Variants in HABP4 observed in about 807,000 individuals in gnomAD.
HABP4 encodes hyaluronan binding protein 4.
In HABP4, 32 loss-of-function variants were observed where a neutral mutation model predicts 44.1. That is an observed-to-expected ratio of 0.73 (90% CI 0.55 to 0.97). The LOEUF (loss-of-function observed/expected upper bound fraction) is 0.97, where lower values mean the gene tolerates loss of function less well. Among genes scored for constraint, HABP4 ranks in the 50% least tolerant of loss-of-function variants. The probability of loss-of-function intolerance (pLI) is 0.00; values close to 1 mark genes in which losing one functional copy is unlikely to be tolerated. For missense variants in HABP4, 503 were observed against 561.9 expected (o/e 0.90, Z 1.06); for synonymous variants, 216 against 218.0 (o/e 0.99, Z 0.08).
intron 2 of HABP4, among the ~76,000 whole-genome samples, chr9:96,462,624 A>AG (rs1461977061): frequency 4.5e-4 from 68 of 151,454 alleles, no homozygotes; most frequent in African/African-American, 1.4e-3. Context: ...AAAAAAAAAA[A>AG]AGAGAGAGAG....
intron 1 of HABP4, 37 bp from the exon 2 acceptor site, chr9:96,458,342 T>C (rs983846557): frequency 1.3e-6 from 2 of 1,594,568 alleles, no homozygotes; most frequent in African/African-American, 2.7e-5. Context: ...TTGCAGATGT[T>C]GTGTTCCAGC....
rs536759441 is a variant in HABP4, at chr9:96,455,826, C to T, written c.350-2553C>T. ...TCCCAGCATTTTGGGAGGCCGAGACCGGTGGATCACTTGAGGTCAGGAGTT... is the reference window on the plus strand; with the variant it reads ...TCCCAGCATTTTGGGAGGCCGAGACTGGTGGATCACTTGAGGTCAGGAGTT... On this transcript the variant is annotated intron_variant, in intron 1 of 7. Transcript: ENST00000375249. Among the ~76,000 whole-genome samples, 14 of 140,516 alleles carry T rather than the reference C, an allele frequency of 1.0e-4. No homozygotes were observed. In the East Asian group the frequency reaches 2.3e-3, roughly 23 times the overall value. 92.2% of individuals were successfully genotyped at this position (140,516 alleles called of 152,430 possible).
intron 2 of HABP4, 66 bp downstream of exon 2, chr9:96,458,607 CTTTT>C: frequency 1.1e-6 from 1 of 925,354 alleles, no homozygotes; most frequent in Non-Finnish European, 1.7e-6. Flanking sequence ...ATGCTACTTT[CTTTT>C]TCTTTTCTTT....
intron 1 of HABP4, among the ~76,000 whole-genome samples, chr9:96,454,452 T>A: frequency 6.7e-6 from 1 of 148,246 alleles, no homozygotes; most frequent in African/African-American, 2.5e-5. Flanking sequence ...TGAACTCTTT[T>A]TTTTTTTTTT....
chr9:96,469,346 G>T (rs1045616540), intron 4 of HABP4, among the ~76,000 whole-genome samples: 5 of 152,276 alleles, frequency 3.3e-5, no homozygotes, highest in East Asian at 3.9e-4. Context: ...TGTTGTCAGA[G>T]ATTTGATTAA....
At chr9:96,471,873 C>G (rs1305391315) in intron 5 of HABP4, among the ~76,000 whole-genome samples, 1 of 152,162 alleles carries the variant, frequency 6.6e-6, no homozygotes, top group Non-Finnish European at 1.5e-5. Flanking sequence ...TCACTGCAAC[C>G]TCCACCTCCC....
intron 5 of HABP4, among the ~76,000 whole-genome samples, chr9:96,474,137 C>T (rs950946834): frequency 2.0e-5 from 3 of 152,102 alleles, no homozygotes; most frequent in Non-Finnish European, 4.4e-5. Context: ...TGAAAGGCCA[C>T]AGTGATTGAT....
rs141094261 is a variant in HABP4, at chr9:96,488,195, G to T, written c.1106G>T (p.Arg369Leu). ...TTTGGTAACCTCCCTCGTCCTGGGCGTGGAGCCAGAGGAGGCACCCGGGGA... is the reference window on the plus strand; with the variant it reads ...TTTGGTAACCTCCCTCGTCCTGGGCTTGGAGCCAGAGGAGGCACCCGGGGA... ...INFGNLPRPG[R>L]GARGGTRGGR... Residue 369 changes from arginine (R) to leucine (L), a missense_variant, in exon 7 of 8, where the codon CGT becomes CTT. Physicochemically the swap from Arg to Leu is moderately radical, Grantham distance 102. Coordinates refer to ENST00000375249, the MANE Select transcript of HABP4 (RefSeq NM_014282.4). This position sits in a 1 kb window ranked among gnomAD's most constrained non-coding sequence, Gnocchi z 4.6. 1.2e-5 allele frequency: 20 copies of T among 1,613,398 alleles called. No homozygotes were observed. The highest frequency in any genetic ancestry group is 3.3e-5 in the Admixed American group (2 of 60,020).
rs531345350 is a variant in HABP4 at position 96,484,472 on chromosome 9, T to C, written c.838T>C (p.Leu280=). ...EEESPAKVPE[L]EVEEETQVQE... ...TATATCTCTTTATAGAGTTCCTGAG[T>C]TGGAGGTAGAAGAAGAAACCCAAGT... The change falls in exon 6 of 8, where the codon TTG becomes CTG. Residue 280 remains leucine, a synonymous_variant. Coordinates refer to ENST00000375249, the MANE Select transcript of HABP4 (RefSeq NM_014282.4). The C allele has an allele frequency of 2.7e-6, 4 of 1,486,170 alleles. No individual in the cohort carries two copies. In the Admixed American group the frequency reaches 5.1e-5, roughly 19 times the overall value. 92.1% of individuals were successfully genotyped at this position (1,486,170 alleles called of 1,614,324 possible). A position where few individuals can be genotyped will look rare whatever the true frequency, so the allele number is the denominator to read the frequency against.
chr9:96,486,786 T>TA (rs1832983165), intron 6 of HABP4, among the ~76,000 whole-genome samples: 1 of 151,988 alleles, frequency 6.6e-6, no homozygotes, highest in Non-Finnish European at 1.5e-5. Context: ...CAACCTCGCG[T>TA]AAGGCACTGG....
chr9:96,473,642 C>T (rs910662066), intron 5 of HABP4, among the ~76,000 whole-genome samples: 3 of 152,156 alleles, frequency 2.0e-5, no homozygotes, highest in East Asian at 1.9e-4. Flanking sequence ...TGTGGTCTGG[C>T]CCCTGCAAAA....
At chr9:96,457,137 T>G in intron 1 of HABP4, among the ~76,000 whole-genome samples, 1 of 152,080 alleles carries the variant, frequency 6.6e-6, no homozygotes, top group South Asian at 2.1e-4. Context: ...GGCTCACGCC[T>G]GTAATCCTGG....
chr9:96,474,593 G>C (rs562323945), intron 5 of HABP4, among the ~76,000 whole-genome samples: 1 of 152,106 alleles, frequency 6.6e-6, no homozygotes, highest in Non-Finnish European at 1.5e-5. Context: ...ATTTGGAATT[G>C]CAAGTGCAAT....
intron 4 of HABP4, among the ~76,000 whole-genome samples, chr9:96,470,435 C>G (rs1832674407): frequency 1.3e-5 from 2 of 152,026 alleles, no homozygotes; most frequent in African/African-American, 4.8e-5. Context: ...CGGCCTGGAA[C>G]CTTCATTTTA....
At chr9:96,471,780 C>T (rs1271757269) in intron 5 of HABP4, among the ~76,000 whole-genome samples, 1 of 151,914 alleles carries the variant, frequency 6.6e-6, no homozygotes, top group East Asian at 1.9e-4. Context: ...AGCACCCTTC[C>T]AAGTTCTGTT....
intron 4 of HABP4, among the ~76,000 whole-genome samples, chr9:96,468,581 T>G (rs1054595522): frequency 3.3e-5 from 5 of 151,974 alleles, no homozygotes; most frequent in African/African-American, 1.2e-4. Context: ...TTAGTAGAGA[T>G]GCAGGTCTGC....
Position 96,458,441 on chromosome 9 carries a change from G to A in HABP4, c.412G>A (p.Gly138Arg). The change falls in exon 2 of 8, where the codon GGG (glycine) becomes AGG (arginine). Residue 138 changes from glycine (G) to arginine (R), a missense_variant. Physicochemically the swap from Gly to Arg is moderately radical, Grantham distance 125. This residue lies in a region of HABP4 where 290 missense variants were observed against 300.5 expected (regional missense o/e 0.97). Coordinates refer to ENST00000375249, the MANE Select transcript of HABP4 (RefSeq NM_014282.4). ...QGWNDSRGPEGMLERAERRSY... is the reference protein window; with the variant it reads ...QGWNDSRGPERMLERAERRSY... ...ATGGAATGACAGCCGTGGGCCGGAG[G>A]GGATGCTCGAAAGAGCTGAGCGGAG... is the stretch of plus-strand genomic sequence containing the variant. 6.2e-7 allele frequency: 1 copy of A among 1,613,858 alleles called. No individual in the cohort carries two copies. The highest frequency in any genetic ancestry group is 8.5e-7 in the Non-Finnish European group (1 of 1,179,748).
At chr9:96,453,630 T>C (rs1832325548) in intron 1 of HABP4, among the ~76,000 whole-genome samples, 1 of 152,242 alleles carries the variant, frequency 6.6e-6, no homozygotes, top group Non-Finnish European at 1.5e-5. Context: ...GTTTTGCTTT[T>C]CCTAGCCTTT....
chr9:96,469,732 A>G (rs1832661861), intron 4 of HABP4, among the ~76,000 whole-genome samples: 1 of 152,142 alleles, frequency 6.6e-6, no homozygotes, highest in South Asian at 2.1e-4. Context: ...CATGTTGGCC[A>G]GGGTGGTCTC....
Sources: allele counts gnomAD v4.1 joint callset (sites outside exome capture counted in the v4.1 genomes callset), GRCh38; gene constraint gnomAD v4.1.1; regional missense constraint gnomAD v4.1.1; non-coding constraint Gnocchi (gnomAD v3.1); transcripts MANE v1.5; gene names NCBI Gene and HGNC (gene_info 2026-07-23, HGNC 2026-07-21).